Variants in FBXL7 observed in about 807,000 individuals in gnomAD.
FBXL7 encodes F-box/LRR-repeat protein 7.
A neutral mutation model predicts 38.3 loss-of-function variants in FBXL7; 12 were observed. That is an observed-to-expected ratio of 0.31 (90% CI 0.20 to 0.51). The LOEUF is 0.51. Ranked by LOEUF, FBXL7 falls within the 20% of genes least tolerant of loss-of-function variation. FBXL7 has a pLI of 0.98. For missense variants in FBXL7, 567 were observed against 676.4 expected, an observed-to-expected ratio of 0.84 and a Z score of 1.79; for synonymous variants, 297 against 300.9, an observed-to-expected ratio of 0.99 and a Z score of 0.13.
chr5:15,837,527 A>G (rs1738626023), intron 2 of FBXL7, among the ~76,000 whole-genome samples: 1 of 152,194 alleles, frequency 6.6e-6, no homozygotes, highest in Admixed American at 6.5e-5. Context: ...CAAGACATTT[A>G]TGTCTGGTTA....
Position 15,553,732 on chromosome 5 carries a change from G to T in FBXL7, c.37+53019G>T, listed in dbSNP as rs187747543. On this transcript the variant is annotated intron_variant, in intron 1 of 3. Transcript: ENST00000504595. The stretch of plus-strand genomic sequence containing the variant: ...AATCCAAAGCAAAGGAAAAAAAAAG[G>T]TACACAGGGTAATTATGCAGAATGC... Among the ~76,000 whole-genome samples the T allele has an allele frequency of 8.7e-4, 133 of 152,308 alleles. 2 individuals are homozygous for T. The highest frequency in any genetic ancestry group is 3.7e-3 in the Admixed American group (56 of 15,302).
intron 1 of FBXL7, among the ~76,000 whole-genome samples, chr5:15,604,123 T>C (rs1739912045): frequency 6.6e-6 from 1 of 152,076 alleles, no homozygotes; most frequent in Non-Finnish European, 1.5e-5. Flanking sequence ...GGCGAGATCA[T>C]ACCACTGCAC....
At chr5:15,900,366 A>T (rs1354338228) in intron 2 of FBXL7, among the ~76,000 whole-genome samples, 1 of 152,112 alleles carries the variant, frequency 6.6e-6, no homozygotes, top group African/African-American at 2.4e-5. Flanking sequence ...ATCTATACCA[A>T]AGAACTGCAA....
intron 1 of FBXL7, among the ~76,000 whole-genome samples, chr5:15,603,799 G>A (rs1330427906): frequency 6.6e-6 from 1 of 152,194 alleles, no homozygotes; most frequent in Non-Finnish European, 1.5e-5. Context: ...AAGGAAGAAA[G>A]GAAAACATGA....
Position 15,742,708 on chromosome 5 carries a change from TA to T in FBXL7, c.127+126637del, listed in dbSNP as rs371811464. ...CCTTTCAATCTTATATATGCTATTA[TA>T]TTGAATTTTCCATAAAGTTTTGTAT... On this transcript the variant is annotated intron_variant, in intron 2 of 3. Coordinates refer to ENST00000504595, the MANE Select transcript of FBXL7 (RefSeq NM_012304.5). 4.4e-4 allele frequency among the ~76,000 whole-genome samples: 67 copies of T among 152,306 alleles called. 1 individual carries two copies. The highest frequency in any genetic ancestry group is 1.6e-3 in the African/African-American group (65 of 41,564).
At chr5:15,889,902 CA>C (rs148831880) in intron 2 of FBXL7, among the ~76,000 whole-genome samples, 1 of 151,770 alleles carries the variant, frequency 6.6e-6, no homozygotes, top group Non-Finnish European at 1.5e-5. Flanking sequence ...AATACACAAA[CA>C]AAAAAAACCA....
intron 2 of FBXL7, among the ~76,000 whole-genome samples, chr5:15,856,503 A>G (rs1442758156): frequency 9.2e-5 from 14 of 152,046 alleles, no homozygotes; most frequent in Admixed American, 9.2e-4. Flanking sequence ...CCCACAACCC[A>G]AGTTTACCTA....
At chr5:15,777,396 T>C (rs1736882162) in intron 2 of FBXL7, among the ~76,000 whole-genome samples, 1 of 152,082 alleles carries the variant, frequency 6.6e-6, no homozygotes, top group Non-Finnish European at 1.5e-5. Flanking sequence ...TGGTAATATA[T>C]GGATAACGTA....
At chr5:15,720,192 G>A (rs1744156409) in intron 2 of FBXL7, among the ~76,000 whole-genome samples, 2 of 149,016 alleles carry the variant, frequency 1.3e-5, no homozygotes, top group African/African-American at 4.9e-5. Context: ...ATGACTATTA[G>A]CATTATCTTC....
chr5:15,619,045 C>T (rs1022585456), intron 2 of FBXL7, among the ~76,000 whole-genome samples: 8 of 152,138 alleles, frequency 5.3e-5, no homozygotes, highest in African/African-American at 1.9e-4. Flanking sequence ...TTTATAAGCT[C>T]ACCTCTTTCC....
intron 1 of FBXL7, among the ~76,000 whole-genome samples, chr5:15,502,262 C>T (rs1465261726): frequency 1.3e-5 from 2 of 151,788 alleles, no homozygotes; most frequent in East Asian, 3.9e-4. Flanking sequence ...CCCACCCCAC[C>T]CGCCTCCCGC....
intron 2 of FBXL7, among the ~76,000 whole-genome samples, chr5:15,757,876 CTGTA>C (rs1180892378): frequency 6.6e-6 from 1 of 152,186 alleles, no homozygotes; most frequent in Non-Finnish European, 1.5e-5. Flanking sequence ...GTCAGCCTCT[CTGTA>C]TGGCATATCC....
rs553070597 is a variant in FBXL7 at position 15,686,878 on chromosome 5, A to G, written c.127+70806A>G. Among the ~76,000 whole-genome samples, 9 of 152,360 alleles carry G rather than the reference A, an allele frequency of 5.9e-5. No individual in the cohort carries two copies. In the South Asian group the frequency reaches 1.7e-3, roughly 28 times the overall value. On this transcript the variant is annotated intron_variant, in intron 2 of 3. Transcript: ENST00000504595. ...ATGCTGACCACCCACAGGGGCTTCA[A>G]GCATGGTGCAGTGATTGTCAAACGC...
chr5:15,617,662 C>T (rs1358650947), intron 2 of FBXL7, among the ~76,000 whole-genome samples: 3 of 152,282 alleles, frequency 2.0e-5, no homozygotes, highest in Non-Finnish European at 4.4e-5. Flanking sequence ...TGGTCTCAAA[C>T]TCCTGACCTC....
chr5:15,731,774 A>G (rs1735590754), intron 2 of FBXL7, among the ~76,000 whole-genome samples: 1 of 152,166 alleles, frequency 6.6e-6, no homozygotes, highest in South Asian at 2.1e-4. Flanking sequence ...AATTTTCTTG[A>G]TGAATCCCCG....
chr5:15,720,928 G>C (rs1241866576), intron 2 of FBXL7, among the ~76,000 whole-genome samples: 1 of 151,988 alleles, frequency 6.6e-6, no homozygotes, highest in East Asian at 1.9e-4. Context: ...GTTTGAAAGT[G>C]ATAATTTTTA....
At chr5:15,763,349 A>G (rs911189943) in intron 2 of FBXL7, among the ~76,000 whole-genome samples, 2 of 152,204 alleles carry the variant, frequency 1.3e-5, no homozygotes, top group African/African-American at 4.8e-5. Context: ...TAGACGTGAT[A>G]AAGTCAGCTA....
At chr5:15,679,138 T>G (rs961355407) in intron 2 of FBXL7, among the ~76,000 whole-genome samples, 2 of 152,188 alleles carry the variant, frequency 1.3e-5, no homozygotes. Context: ...TGACTCTAGT[T>G]TTTTGATCAA....
At chr5:15,697,607 T>C (rs557755687) in intron 2 of FBXL7, among the ~76,000 whole-genome samples, 48 of 149,420 alleles carry the variant, frequency 3.2e-4, no homozygotes, top group African/African-American at 1.2e-3. Context: ...GTGGAAGGAG[T>C]GAGAACAGAA....
Sources: allele counts gnomAD v4.1 joint callset (sites outside exome capture counted in the v4.1 genomes callset), GRCh38; gene constraint gnomAD v4.1.1; transcripts MANE v1.5; gene names NCBI Gene and HGNC (gene_info 2026-07-23, HGNC 2026-07-21).